Variants in KDM3B observed in about 807,000 individuals in gnomAD.
The protein encoded by KDM3B is lysine-specific demethylase 3B.
KDM3B carries 10 observed loss-of-function variants against 170.0 expected under a neutral mutation model. That is an observed-to-expected ratio of 0.06 (90% confidence interval 0.04 to 0.10). The LOEUF (loss-of-function observed/expected upper bound fraction) is 0.10, where lower values mean the gene tolerates loss of function less well. Ranked by LOEUF, KDM3B falls within the 10% of genes least tolerant of loss-of-function variation. The pLI, the probability that KDM3B is intolerant of heterozygous loss-of-function variation, is 1.00. For missense variants in KDM3B, 1,394 were observed against 2,195.2 expected (o/e 0.64, Z 7.29); for synonymous variants, 831 against 834.8 (o/e 1.00, Z 0.08).
chr5:138,353,196 G>C (rs1161324989), intron 1 of KDM3B, among the ~76,000 whole-genome samples: 1 of 152,196 alleles, frequency 6.6e-6, no homozygotes, highest in Non-Finnish European at 1.5e-5. Context: ...TTTCCCCCGG[G>C]GGGCGGCCAG....
chr5:138,427,926 A>C (rs2240334), intron 19 of KDM3B, 41 bp from the exon 20 acceptor site: 571,835 of 1,589,892 alleles, frequency 0.36, 106,497 homozygotes, highest in South Asian at 0.45. Context: ...ATTCTTCCAA[A>C]TATTGGCCCT....
chr5:138,374,150 T>C (rs988120628), intron 2 of KDM3B, among the ~76,000 whole-genome samples: 6 of 150,772 alleles, frequency 4.0e-5, no homozygotes, highest in African/African-American at 1.5e-4. Context: ...TGCGCCACCA[T>C]GCCCAGCTAA....
intron 11 of KDM3B, among the ~76,000 whole-genome samples, chr5:138,407,636 A>T (rs748538911): frequency 6.6e-6 from 1 of 152,170 alleles, no homozygotes; most frequent in Non-Finnish European, 1.5e-5. Context: ...TCAAAACGCA[A>T]CATCTGGTGG....
intron 7 of KDM3B, among the ~76,000 whole-genome samples, chr5:138,390,336 T>A (rs950262927): frequency 6.6e-6 from 1 of 152,204 alleles, no homozygotes; most frequent in Non-Finnish European, 1.5e-5. Context: ...ATAACAAAGG[T>A]CTTGGTAAAT....
chr5:138,418,980 TCTGGAAACGAAA>T lies in KDM3B; in HGVS notation c.3466_3477del (p.Gly1156_Thr1159del). ...TCCTAGCATAAACCCTAGTGCCTCT[TCTGGAAACGAAA>T]CTACCTTCTCTGGTGGAGGAGGACC... On this transcript the variant is annotated inframe_deletion, in exon 14 of 24. Coordinates refer to ENST00000314358, the MANE Select transcript of KDM3B (RefSeq NM_016604.4). 1 of 1,614,212 alleles carries T rather than the reference TCTGGAAACGAAA, an allele frequency of 6.2e-7. No homozygotes were observed. Among genetic ancestry groups the T allele is most frequent in the Non-Finnish European group, 8.5e-7 (1 of 1,180,044 alleles).
intron 7 of KDM3B, among the ~76,000 whole-genome samples, chr5:138,388,451 T>C (rs949221201): frequency 2.0e-4 from 30 of 151,762 alleles, no homozygotes; most frequent in Non-Finnish European, 3.4e-4. Context: ...GCTAACACGG[T>C]GAAACCCCGT....
intron 3 of KDM3B, among the ~76,000 whole-genome samples, chr5:138,377,482 G>A (rs998841021): frequency 2.0e-5 from 3 of 152,184 alleles, no homozygotes; most frequent in Non-Finnish European, 4.4e-5. Flanking sequence ...GAATGCAATG[G>A]CGCAGCCATA....
chr5:138,394,152 C>T (rs567238401), intron 9 of KDM3B, among the ~76,000 whole-genome samples: 16 of 151,912 alleles, frequency 1.1e-4, no homozygotes, highest in Non-Finnish European at 1.9e-4. Flanking sequence ...TTTGGGAGGC[C>T]GAAGCAGAAG....
chr5:138,410,709 G>A (rs1004581843), intron 11 of KDM3B, among the ~76,000 whole-genome samples: 2 of 152,206 alleles, frequency 1.3e-5, no homozygotes, highest in Non-Finnish European at 2.9e-5. Flanking sequence ...AAAGGGGCAG[G>A]GTAAAGAGTG....
At position 138,392,127 on chromosome 5, in the gene KDM3B, C is replaced by A. The variant is rs1395169828; in HGVS notation, c.2495C>A (p.Thr832Lys). ...SDSEEQLQAK[T>K]GLKGIPEHLM... The stretch of plus-strand genomic sequence containing the variant: ...TCTGAGGAGCAGCTGCAGGCTAAGA[C>A]AGGCCTGAAGGGAATTCCAGAGCAC... Residue 832 changes from threonine to lysine, a missense_variant, in exon 8 of 24, where the codon ACA (threonine) becomes AAA (lysine). Coordinates refer to ENST00000314358, the MANE Select transcript of KDM3B (RefSeq NM_016604.4). The A allele has an allele frequency of 5.0e-6, 8 of 1,600,046 alleles. No homozygotes were observed. Among genetic ancestry groups the A allele is most frequent in the Non-Finnish European group, 6.8e-6 (8 of 1,168,756 alleles).
intron 4 of KDM3B, 149 bp from the exon 5 acceptor site, chr5:138,379,435 A>G (rs1762074431): frequency 1.7e-6 from 1 of 583,800 alleles, no homozygotes; most frequent in South Asian, 3.0e-5. Context: ...TCAGTATGGT[A>G]AATCTGGAAT....
rs370533044 is a variant in KDM3B at position 138,386,614 on chromosome 5, C to T, written c.1373C>T (p.Ser458Leu). ...EKQKGSRSQA[S>L]GENSRNSILA... The stretch of plus-strand genomic sequence containing the variant: ...CAGAAAGGCAGCCGGTCGCAGGCCT[C>T]GGGAGAGGTGAGTTACTTCAGGGGC... The change falls in exon 7 of 24, where the codon TCG becomes TTG. Residue 458 changes from serine to leucine, a missense_variant. Physicochemically the swap from Ser to Leu is moderately radical, Grantham distance 145 (BLOSUM62 -2). Around this residue, in one of 19 missense-constraint regions of KDM3B, gnomAD observed 205 missense variants for 227.6 expected, o/e 0.90. Transcript: ENST00000314358. 153 of 1,609,962 alleles carry T rather than the reference C, an allele frequency of 9.5e-5. No individual in the cohort carries two copies. Among genetic ancestry groups the T allele is most frequent in the Middle Eastern group, 8.3e-4 (5 of 6,050 alleles).
chr5:138,375,715 T>C (rs1049827778), intron 3 of KDM3B, among the ~76,000 whole-genome samples: 52 of 150,808 alleles, frequency 3.4e-4, no homozygotes, highest in African/African-American at 1.2e-3. Flanking sequence ...TTGCTCTTGT[T>C]GCCCAGGCTG....
At chr5:138,392,659 G>C (rs1216990904) in intron 8 of KDM3B, among the ~76,000 whole-genome samples, 1 of 152,232 alleles carries the variant, frequency 6.6e-6, no homozygotes, top group Admixed American at 6.5e-5. Flanking sequence ...TAGACTTGAT[G>C]AAGCAGAGAG....
At chr5:138,381,699 C>A in intron 6 of KDM3B, 109 bp downstream of exon 6, 1 of 667,570 alleles carries the variant, frequency 1.5e-6, no homozygotes, top group Non-Finnish European at 2.6e-6. Context: ...AGTTGTTCAG[C>A]TTTAGCCACT....
rs532357145 is a variant in KDM3B, at chr5:138,397,918, G to T, written c.2832-260G>T. ...TGTTTTTATCTGGTCACATTCAGCA[G>T]TATGGGTGCAGGTGTAGAACAGGTG... is the stretch of plus-strand genomic sequence containing the variant. On this transcript the variant is annotated intron_variant, in intron 9 of 23. Transcript: ENST00000314358. The T allele has an allele frequency of 3.9e-5, 12 of 308,192 alleles. No homozygotes were observed. In the South Asian group the frequency reaches 1.0e-3, roughly 27 times the overall value. 19.1% of individuals were successfully genotyped at this position (308,192 alleles called of 1,614,324 possible).
At chr5:138,382,353 G>A (rs1189593602) in intron 6 of KDM3B, among the ~76,000 whole-genome samples, 3 of 152,130 alleles carry the variant, frequency 2.0e-5, no homozygotes, top group Non-Finnish European at 4.4e-5. Context: ...TCGGGAGGCC[G>A]AGGTGGGAGA....
rs1763187324 is a variant in KDM3B, at chr5:138,419,130, C to G, written c.3613C>G (p.Leu1205Val). 1.9e-6 allele frequency: 3 copies of G among 1,614,230 alleles called. No homozygotes were observed. Among genetic ancestry groups the G allele is most frequent in the Non-Finnish European group, 2.5e-6 (3 of 1,180,034 alleles). ...TTCGGCATCAAATAGCAATAGTGAA[C>G]TGAAAGCCATCAGGCCTCCTTGCCC... is the stretch of plus-strand genomic sequence containing the variant. ...DSSASNSNSELKAIRPPCPDT... is the reference protein window; with the variant it reads ...DSSASNSNSEVKAIRPPCPDT... The change falls in exon 14 of 24, where the codon CTG becomes GTG. Residue 1205 changes from leucine to valine, a missense_variant. Coordinates refer to ENST00000314358, the MANE Select transcript of KDM3B (RefSeq NM_016604.4).
At chr5:138,403,531 G>A (rs1762740537) in intron 11 of KDM3B, among the ~76,000 whole-genome samples, 1 of 151,974 alleles carries the variant, frequency 6.6e-6, no homozygotes, top group Non-Finnish European at 1.5e-5. Context: ...GAAAAAATTA[G>A]CCAGGCATGG....
Sources: allele counts gnomAD v4.1 joint callset (sites outside exome capture counted in the v4.1 genomes callset), GRCh38; gene constraint gnomAD v4.1.1; regional missense constraint gnomAD v4.1.1; transcripts MANE v1.5; gene names NCBI Gene and HGNC (gene_info 2026-07-23, HGNC 2026-07-21).